RIPOR2: variants seen among roughly 807,000 people sequenced by gnomAD.
RIPOR2 encodes RHO family interacting cell polarization regulator 2.
RIPOR2 carries 39 observed loss-of-function variants against 114.5 expected under a neutral mutation model. The ratio of observed to expected loss-of-function variants is 0.34; its 90% CI spans 0.26 to 0.44. The LOEUF is 0.44. RIPOR2 is among the 20% of genes least tolerant of loss of function. The pLI, the probability that RIPOR2 is intolerant of heterozygous loss-of-function variation, is 1.00. For missense variants in RIPOR2, 1,007 were observed against 1,255.1 expected, an observed-to-expected ratio of 0.80 and a Z score of 2.99; for synonymous variants, 445 against 484.4, an observed-to-expected ratio of 0.92 and a Z score of 1.07.
Position 25,031,801 on chromosome 6 carries a change from A to G in RIPOR2, c.76+10050T>C, listed in dbSNP as rs1776995393. On this transcript the variant is annotated intron_variant, in intron 1 of 13. Transcript: ENST00000510784. ...TTCTATGGATATCCATAGAATATAT[A>G]TAATATCCATAGAACATATATATTA... 8.5e-5 allele frequency among the ~76,000 whole-genome samples: 12 copies of G among 140,696 alleles called. No homozygotes were observed. In the South Asian group the frequency reaches 2.7e-3, roughly 31 times the overall value. 92.3% of individuals were successfully genotyped at this position (140,696 alleles called of 152,430 possible).
At chr6:24,989,448 A>T (rs1452150988) in intron 1 of RIPOR2, among the ~76,000 whole-genome samples, 1 of 151,716 alleles carries the variant, frequency 6.6e-6, no homozygotes, top group Non-Finnish European at 1.5e-5. Flanking sequence ...GGCAAGCACC[A>T]CCATGCCTGG....
At position 24,935,844 on chromosome 6, in the gene RIPOR2, CA is replaced by C. The variant is rs1233536647; in HGVS notation, c.54del (p.Phe18LeufsTer15). The part of the protein sequence containing the change: ...ELLVDEEDDV[F>X]GEGLPTRLPE... The stretch of plus-strand genomic sequence containing the variant: ...GCCAGAAAGATGCATTTACCTTCAC[CA>C]AAAACATCATCCTCTTCATCGACCA... On this transcript the variant is annotated frameshift_variant, in exon 1 of 22. Coordinates refer to ENST00000643898, the MANE Select transcript of RIPOR2 (RefSeq NM_001286445.3). LOFTEE classifies it high-confidence loss of function. The C allele has an allele frequency of 5.9e-6, 9 of 1,534,728 alleles. No individual in the cohort carries two copies. The highest frequency in any genetic ancestry group is 1.4e-5 in the African/African-American group (1 of 72,994).
intron 1 of RIPOR2, among the ~76,000 whole-genome samples, chr6:24,917,923 G>A (rs1334203499): frequency 6.6e-6 from 1 of 152,110 alleles, no homozygotes; most frequent in Non-Finnish European, 1.5e-5. Context: ...AAAAAGAGAC[G>A]TATCTGTAAA....
In RIPOR2 at chr6:24,847,477, G is replaced by GCTAAGTCACACATGCCA. The variant is rs565133884; in HGVS notation, c.1164+531_1164+547dup. 149 of 1,486,492 alleles carry GCTAAGTCACACATGCCA rather than the reference G, an allele frequency of 1.0e-4. No homozygotes were observed. In the African/African-American group the frequency reaches 1.6e-3, roughly 16 times the overall value. The allele number at this position is 1,486,492 out of a possible 1,614,324, so 92.1% of individuals were successfully genotyped here. A position where few individuals can be genotyped will look rare whatever the true frequency, so the allele number is the denominator to read the frequency against. ...ACAGAGAAGATAAAACAAGAGACAT[G>GCTAAGTCACACATGCCA]CTAAGTCACACATGCCACAAGCCCC... On this transcript the variant is annotated intron_variant, in intron 12 of 21. Transcript: ENST00000643898.
chr6:24,834,013 G>A (rs911253048), intron 15 of RIPOR2, among the ~76,000 whole-genome samples: 11 of 152,056 alleles, frequency 7.2e-5, no homozygotes, highest in Non-Finnish European at 1.5e-4. Context: ...AGGACAAAGA[G>A]CTGTCTCGTT....
At chr6:24,942,909 T>A (rs1772213268) in intron 1 of RIPOR2, among the ~76,000 whole-genome samples, 1 of 152,212 alleles carries the variant, frequency 6.6e-6, no homozygotes, top group Non-Finnish European at 1.5e-5. Context: ...CAGAAGCTCT[T>A]TAGTTTAATT....
intron 9 of RIPOR2, among the ~76,000 whole-genome samples, chr6:24,851,962 G>T (rs1044134893): frequency 6.7e-6 from 1 of 149,430 alleles, no homozygotes; most frequent in Non-Finnish European, 1.5e-5. Flanking sequence ...GCTCTAAAAT[G>T]GTTCAGGGGC....
At chr6:25,005,699 A>G in intron 1 of RIPOR2, among the ~76,000 whole-genome samples, 1 of 22,514 alleles carries the variant, frequency 4.4e-5, no homozygotes, top group African/African-American at 3.3e-4. Flanking sequence ...ATGGAGATAT[A>G]TATATATATA....
At chr6:24,950,540 A>C (rs1772695683) in intron 1 of RIPOR2, among the ~76,000 whole-genome samples, 1 of 152,150 alleles carries the variant, frequency 6.6e-6, no homozygotes, top group South Asian at 2.1e-4. Context: ...TACGAAGTAA[A>C]AGGGAGCTCA....
Position 24,964,515 on chromosome 6 carries a change from A to C in RIPOR2, c.76+77336T>G, listed in dbSNP as rs551503361. ...GAGTATATTGTATGGCTGGATATAT[A>C]CCATAGTTTGTTTAGCAATTCCCCT... On this transcript the variant is annotated intron_variant, in intron 1 of 13. Coordinates refer to the RIPOR2 transcript ENST00000510784. Among the ~76,000 whole-genome samples the C allele has an allele frequency of 7.2e-5, 11 of 152,280 alleles. No individual in the cohort carries two copies. The South Asian group carries it at 1.7e-3, about 23-fold the overall frequency.
At chr6:24,921,758 G>A (rs1181762142) in intron 1 of RIPOR2, among the ~76,000 whole-genome samples, 2 of 151,260 alleles carry the variant, frequency 1.3e-5, no homozygotes, top group East Asian at 3.9e-4. Context: ...ATTCACTGCT[G>A]TACCTGAGAG....
chr6:24,840,762 A>G (rs1761633310), intron 13 of RIPOR2: 1 of 1,535,532 alleles, frequency 6.5e-7, no homozygotes, highest in Non-Finnish European at 8.7e-7. Context: ...CTGATCGTCA[A>G]GGTGTTTAGC....
chr6:24,864,488 C>A (rs1764386315), intron 7 of RIPOR2, among the ~76,000 whole-genome samples: 1 of 152,184 alleles, frequency 6.6e-6, no homozygotes. Flanking sequence ...TCCTTCTGAT[C>A]CCAGGGCTGA....
Position 25,001,362 on chromosome 6 carries a change from C to T in RIPOR2, c.76+40489G>A, listed in dbSNP as rs573758052. Among the ~76,000 whole-genome samples the T allele has an allele frequency of 5.9e-5, 9 of 152,154 alleles. No homozygotes were observed. The South Asian group carries it at 1.2e-3, about 21-fold the overall frequency. Reference sequence around the variant, plus strand: ...GAGAGTAGTTGGGTGCAGTGGCTCACGCGTGTAATCCCAGCACTTTGGGAG... The same window carrying T: ...GAGAGTAGTTGGGTGCAGTGGCTCATGCGTGTAATCCCAGCACTTTGGGAG... On this transcript the variant is annotated intron_variant, in intron 1 of 13. Coordinates refer to the RIPOR2 transcript ENST00000510784.
chr6:24,988,403 AC>A (rs1228215225), intron 1 of RIPOR2, among the ~76,000 whole-genome samples: 3 of 151,992 alleles, frequency 2.0e-5, no homozygotes, highest in African/African-American at 7.2e-5. Flanking sequence ...CAAACTGCTG[AC>A]CCCAGGTAAT....
At chr6:24,921,328 ATT>A (rs879468028) in intron 1 of RIPOR2, among the ~76,000 whole-genome samples, 10 of 139,660 alleles carry the variant, frequency 7.2e-5, no homozygotes, top group Admixed American at 2.2e-4. Flanking sequence ...ACACCCAGCT[ATT>A]TTTTTTTTTT....
At chr6:24,879,158 G>A (rs1429395574) in intron 1 of RIPOR2, among the ~76,000 whole-genome samples, 2 of 89,756 alleles carry the variant, frequency 2.2e-5, no homozygotes, top group Non-Finnish European at 4.4e-5. Context: ...TGGCCAACAT[G>A]GTGAAACCCC....
intron 1 of RIPOR2, among the ~76,000 whole-genome samples, chr6:24,963,132 G>T (rs1255348577): frequency 6.6e-6 from 1 of 152,122 alleles, no homozygotes; most frequent in Non-Finnish European, 1.5e-5. Flanking sequence ...CCATCTCCTG[G>T]GTTCAAGCGA....
In RIPOR2 at chr6:24,890,191, G is replaced by A. The variant is rs572701918; in HGVS notation, c.62-14374C>T. Among the ~76,000 whole-genome samples the A allele has an allele frequency of 2.8e-4, 43 of 151,940 alleles. No homozygotes were observed. The South Asian group carries it at 6.5e-3, about 23-fold the overall frequency. Reference sequence around the variant, plus strand: ...ATTATGGGCGTGAGCCACTGTGCCCGGCCTGCACCTGTATGTTTAATGTAG... The same window carrying A: ...ATTATGGGCGTGAGCCACTGTGCCCAGCCTGCACCTGTATGTTTAATGTAG... On this transcript the variant is annotated intron_variant, in intron 1 of 21. Transcript: ENST00000643898.
Sources: gnomAD v4.1 joint callset for allele counts (sites outside exome capture counted in the v4.1 genomes callset) on GRCh38, gnomAD v4.1.1 for gene constraint, MANE v1.5 for transcripts, NCBI Gene and HGNC (gene_info 2026-07-23, HGNC 2026-07-21) for gene names.